PTCHD4: variants seen among roughly 807,000 people sequenced by gnomAD.
PTCHD4 encodes patched domain containing 4, also known as patched domain-containing protein 4.
A neutral mutation model predicts 58.1 loss-of-function variants in PTCHD4; 33 were observed. The ratio of observed to expected loss-of-function variants is 0.57; its 90% CI spans 0.43 to 0.76. The LOEUF is 0.76. Among genes scored for constraint, PTCHD4 ranks in the 30% least tolerant of loss-of-function variants. PTCHD4 has a pLI of 0.00. For missense variants in PTCHD4, 1,058 were observed against 1,027.1 expected, an observed-to-expected ratio of 1.03 and a Z score of -0.41; for synonymous variants, 478 against 409.6, an observed-to-expected ratio of 1.17 and a Z score of -2.02.
chr6:47,947,424 T>C (rs980098793), intron 4 of PTCHD4, among the ~76,000 whole-genome samples: 2 of 152,096 alleles, frequency 1.3e-5, no homozygotes, highest in African/African-American at 4.8e-5. Context: ...CACCTTCCTT[T>C]TGAGGTCATT....
rs1205312125 is a variant in PTCHD4, at chr6:47,867,022, T to C, written c.*11281A>G. Reference sequence around the variant, plus strand: ...TGATTTATGATGAAAAGATGATATATTTTACCATAGGGACATAGTACTTGT... The same window carrying C: ...TGATTTATGATGAAAAGATGATATACTTTACCATAGGGACATAGTACTTGT... On this transcript the variant is annotated 3_prime_UTR_variant, in exon 5 of 5. Coordinates refer to ENST00000339488, the MANE Select transcript of PTCHD4 (RefSeq NM_001384253.1). 6.6e-6 allele frequency among the ~76,000 whole-genome samples: 1 copy of C among 151,854 alleles called. No homozygotes were observed. The highest frequency in any genetic ancestry group is 1.9e-4 in the East Asian group (1 of 5,152).
At chr6:47,978,687 T>C (rs1360394203) in intron 4 of PTCHD4, among the ~76,000 whole-genome samples, 3 of 152,172 alleles carry the variant, frequency 2.0e-5, no homozygotes, top group African/African-American at 7.2e-5. Flanking sequence ...AGACAGATCT[T>C]ACTATCCCAG....
At chr6:47,975,775 G>C (rs1767670484) in intron 4 of PTCHD4, among the ~76,000 whole-genome samples, 1 of 152,154 alleles carries the variant, frequency 6.6e-6, no homozygotes, top group East Asian at 1.9e-4. Context: ...AAGATGAACA[G>C]GGAAGCTCTT....
At position 47,878,657 on chromosome 6, in the gene PTCHD4, A is replaced by G. The variant is rs746001646; in HGVS notation, c.2178T>C (p.Cys726=). The change falls in exon 5 of 5, where the codon TGT becomes TGC. Residue 726 remains cysteine, a synonymous_variant. Transcript: ENST00000339488. ...IYTLNFAIDH[C]APLLFTFVLA... The stretch of plus-strand genomic sequence containing the variant: ...ATACAAATGTGAAAAGCAGTGGTGC[A>G]CAGTGGTCAATGGCGAAATTCAAGG... 1 of 1,613,690 alleles carries G rather than the reference A, an allele frequency of 6.2e-7. No individual in the cohort carries two copies. The highest frequency in any genetic ancestry group is 1.7e-5 in the Admixed American group (1 of 59,890).
chr6:47,936,161 A>T (rs760166820), intron 4 of PTCHD4, among the ~76,000 whole-genome samples: 8 of 152,198 alleles, frequency 5.3e-5, no homozygotes, highest in Non-Finnish European at 1.2e-4. Context: ...ACAAAACAAG[A>T]GGCTATTGCA....
chr6:47,901,440 C>T, intron 4 of PTCHD4: 5 of 981,052 alleles, frequency 5.1e-6, no homozygotes, highest in Non-Finnish European at 6.1e-6. Context: ...CACATATTGC[C>T]AGGTAACCTC....
chr6:47,991,876 C>A (rs974580475), intron 4 of PTCHD4, among the ~76,000 whole-genome samples: 4 of 151,708 alleles, frequency 2.6e-5, no homozygotes, highest in African/African-American at 9.7e-5. Context: ...TTAATTCAAT[C>A]CAAAAGATGG....
chr6:47,890,838 C>T (rs1581835052), intron 4 of PTCHD4: 1 of 952,768 alleles, frequency 1.0e-6, no homozygotes, highest in African/African-American at 1.8e-5. Context: ...TGCTCTCTCT[C>T]TTTCCCTGCT....
At chr6:48,026,322 G>A (rs902600984) in intron 3 of PTCHD4, among the ~76,000 whole-genome samples, 10 of 152,084 alleles carry the variant, frequency 6.6e-5, no homozygotes, top group South Asian at 2.1e-4. Context: ...GTCAACTGAA[G>A]CCTTTCATCT....
chr6:48,027,495 TATA>T (rs1429927759), intron 3 of PTCHD4, among the ~76,000 whole-genome samples: 1 of 152,124 alleles, frequency 6.6e-6, no homozygotes, highest in African/African-American at 2.4e-5. Context: ...TGTGTAAAGT[TATA>T]ATATGTCTAC....
intron 4 of PTCHD4, among the ~76,000 whole-genome samples, chr6:47,985,431 G>T (rs748516366): frequency 5.9e-5 from 9 of 152,166 alleles, no homozygotes; most frequent in South Asian, 4.1e-4. Context: ...CATATACATA[G>T]ACAGCAAGAA....
chr6:48,059,415 C>T (rs113742370), intron 3 of PTCHD4, among the ~76,000 whole-genome samples: 3,617 of 151,950 alleles, frequency 0.024, 127 homozygotes, highest in African/African-American at 0.073. Context: ...CGGAAGTGGG[C>T]GGATCACAAA....
At chr6:47,989,435 G>A (rs183365452) in intron 4 of PTCHD4, among the ~76,000 whole-genome samples, 74 of 152,302 alleles carry the variant, frequency 4.9e-4, no homozygotes, top group African/African-American at 1.7e-3. Context: ...GGTCTTCAAC[G>A]TAGCCTTTCC....
At chr6:47,944,035 G>A (rs1355894488) in intron 4 of PTCHD4, among the ~76,000 whole-genome samples, 3 of 152,060 alleles carry the variant, frequency 2.0e-5, no homozygotes, top group Admixed American at 1.3e-4. Context: ...ATTTCAGAGA[G>A]GGAATGGCAG....
At chr6:48,045,967 A>G (rs1346770119) in intron 3 of PTCHD4, among the ~76,000 whole-genome samples, 1 of 151,762 alleles carries the variant, frequency 6.6e-6, no homozygotes, top group East Asian at 1.9e-4. Flanking sequence ...AATATTAGCT[A>G]TATTCTTAAC....
In PTCHD4 at chr6:47,909,947, G is replaced by C. The variant is rs560747990; in HGVS notation, c.899-30011C>G. 3.9e-5 allele frequency among the ~76,000 whole-genome samples: 6 copies of C among 152,194 alleles called. No individual in the cohort carries two copies. The South Asian group carries it at 6.2e-4, about 16-fold the overall frequency. ...TCTCCAATGTTTTTGGGAAAACTTC[G>C]TAATAACTTGCTATTAAATTTATAT... is the stretch of plus-strand genomic sequence containing the variant. On this transcript the variant is annotated intron_variant, in intron 4 of 4. Transcript: ENST00000339488.
chr6:48,054,772 A>C (rs1273371013), intron 3 of PTCHD4, among the ~76,000 whole-genome samples: 3 of 152,222 alleles, frequency 2.0e-5, no homozygotes, highest in Non-Finnish European at 4.4e-5. Context: ...CGTGTATTTT[A>C]TAGTTAAAGG....
chr6:47,957,701 C>T (rs1028486707), intron 4 of PTCHD4, among the ~76,000 whole-genome samples: 3 of 151,228 alleles, frequency 2.0e-5, no homozygotes, highest in African/African-American at 7.3e-5. Context: ...CCCGGGTTCA[C>T]GCCATTCTTC....
At chr6:47,972,395 T>C (rs918966872) in intron 4 of PTCHD4, among the ~76,000 whole-genome samples, 8 of 152,160 alleles carry the variant, frequency 5.3e-5, no homozygotes, top group African/African-American at 1.7e-4. Context: ...TAAAAAAGTA[T>C]ACCAATTTCA....
Sources: allele counts gnomAD v4.1 joint callset (sites outside exome capture counted in the v4.1 genomes callset), GRCh38; gene constraint gnomAD v4.1.1; transcripts MANE v1.5; gene names NCBI Gene and HGNC (gene_info 2026-07-23, HGNC 2026-07-21).